PCDH11X: variants seen among roughly 807,000 people sequenced by gnomAD.
The protein encoded by PCDH11X is protocadherin-11 X-linked.
A neutral mutation model predicts 53.3 loss-of-function variants in PCDH11X; 18 were observed. That is an observed-to-expected ratio of 0.34 (90% CI 0.23 to 0.50). The LOEUF is 0.50. Ranked by LOEUF, PCDH11X falls within the 20% of genes least tolerant of loss-of-function variation. The pLI, the probability that PCDH11X is intolerant of heterozygous loss-of-function variation, is 0.98. For synonymous variants in PCDH11X, 279 were observed against 393.3 expected, an observed-to-expected ratio of 0.71 and a Z score of 3.44; for missense variants, 570 against 1,032.4, an observed-to-expected ratio of 0.55 and a Z score of 6.14.
intron 6 of PCDH11X, among the ~76,000 whole-genome samples, chrX:92,164,428 T>G (rs2148265000): frequency 8.9e-6 from 1 of 112,303 alleles, no homozygotes; most frequent in African/African-American, 3.2e-5. Context: ...TAATGAGAAG[T>G]AATTCTATTT....
intron 7 of PCDH11X, among the ~76,000 whole-genome samples, chrX:92,229,877 A>G (rs1246073420): frequency 1.8e-5 from 2 of 111,119 alleles, no homozygotes; most frequent in African/African-American, 6.5e-5. Flanking sequence ...TTGGCTTATG[A>G]TCTCCCTTTT....
At position 92,104,808 on chromosome X, in the gene PCDH11X, T is replaced by C. The variant is rs765703882; in HGVS notation, c.3034-96567T>C. Among the ~76,000 whole-genome samples the C allele has an allele frequency of 2.5e-3, 277 of 108,695 alleles. 1 individual carries two copies. Among genetic ancestry groups the C allele is most frequent in the African/African-American group, 9.1e-3 (271 of 29,809 alleles). The allele number at this position is 108,695 out of a possible 115,157, so 94.4% of individuals were successfully genotyped here. ...GGGGCACGGAAATAAGGGATTGGGG[T>C]GCAGAGATAAGAGATTGGGGCGTGG... On this transcript the variant is annotated intron_variant, in intron 6 of 10. Transcript: ENST00000682573.
At chrX:92,293,424 A>G (rs868135651) in intron 8 of PCDH11X, among the ~76,000 whole-genome samples, 25 of 110,034 alleles carry the variant, frequency 2.3e-4, no homozygotes, top group African/African-American at 7.6e-4. Context: ...GGAGATCGAG[A>G]CCATCCTGGC....
chrX:92,553,864 C>T (rs2750516), intron 10 of PCDH11X, among the ~76,000 whole-genome samples: 2 of 110,855 alleles, frequency 1.8e-5, no homozygotes, highest in Non-Finnish European at 3.8e-5. Flanking sequence ...CCACCCACTG[C>T]GTTACTCAGA....
chrX:92,458,478 A>G (rs777532134), intron 9 of PCDH11X, among the ~76,000 whole-genome samples: 2 of 110,682 alleles, frequency 1.8e-5, no homozygotes, highest in Middle Eastern at 4.8e-3. Context: ...TATGCATTCT[A>G]TCTAACTCTA....
intron 5 of PCDH11X, among the ~76,000 whole-genome samples, chrX:91,841,361 T>C (rs989221378): frequency 9.0e-6 from 1 of 111,543 alleles, no homozygotes; most frequent in African/African-American, 3.3e-5. Context: ...ACATCGTAAA[T>C]AGTTCAATTC....
chrX:92,568,174 C>A (rs1921721833), intron 10 of PCDH11X, among the ~76,000 whole-genome samples: 1 of 110,135 alleles, frequency 9.1e-6, no homozygotes, highest in African/African-American at 3.3e-5. Flanking sequence ...GTAATCCCAG[C>A]ACTTTGGGAG....
intron 6 of PCDH11X, among the ~76,000 whole-genome samples, chrX:92,167,780 GA>G (rs2148270485): frequency 9.0e-6 from 1 of 111,264 alleles, no homozygotes; most frequent in East Asian, 2.8e-4. Flanking sequence ...ATGTCACTAT[GA>G]TTGATCAACA....
intron 6 of PCDH11X, among the ~76,000 whole-genome samples, chrX:91,940,240 G>T (rs1202999939): frequency 9.0e-6 from 1 of 111,071 alleles, no homozygotes; most frequent in Non-Finnish European, 1.9e-5. Context: ...AGCAGATGCT[G>T]ATGTTATACT....
Position 91,795,731 on chromosome X carries a change from A to G in PCDH11X, c.-378-13735A>G, listed in dbSNP as rs966949863. ...TACGGAAATATCACTATAATACTTT[A>G]CTGCAACTTAGATCTCTCTTGAATC... On this transcript the variant is annotated intron_variant, in intron 1 of 10. Coordinates refer to ENST00000682573, the MANE Select transcript of PCDH11X (RefSeq NM_032968.5). Among the ~76,000 whole-genome samples the G allele has an allele frequency of 2.2e-4, 25 of 111,656 alleles. 1 individual carries two copies. The highest frequency in any genetic ancestry group is 7.5e-5 in the Non-Finnish European group (4 of 53,099).
intron 1 of PCDH11X, among the ~76,000 whole-genome samples, chrX:91,785,121 G>A (rs1376983287): frequency 2.9e-5 from 3 of 104,567 alleles, no homozygotes; most frequent in Non-Finnish European, 3.9e-5. Context: ...ACACTGTTTC[G>A]CTGCATCCCA....
chrX:92,273,178 AAG>A (rs1251599128), intron 8 of PCDH11X, among the ~76,000 whole-genome samples: 2 of 111,024 alleles, frequency 1.8e-5, no homozygotes, highest in African/African-American at 6.6e-5. Context: ...TGAGTCCGAA[AAG>A]AGAGTCAGTG....
At chrX:92,294,687 A>G (rs1169536631) in intron 8 of PCDH11X, among the ~76,000 whole-genome samples, 1 of 111,298 alleles carries the variant, frequency 9.0e-6, no homozygotes, top group African/African-American at 3.3e-5. Flanking sequence ...ATAAATTTTC[A>G]TAAATGATTG....
At chrX:92,040,681 T>TG (rs2063196855) in intron 6 of PCDH11X, among the ~76,000 whole-genome samples, 1 of 111,110 alleles carries the variant, frequency 9.0e-6, no homozygotes, top group African/African-American at 3.3e-5. Flanking sequence ...ACATTGCTTT[T>TG]TGTGTGTGTG....
At chrX:92,382,468 A>G (rs2984108) in intron 8 of PCDH11X, among the ~76,000 whole-genome samples, 48,915 of 109,654 alleles carry the variant, frequency 0.45, 8,286 homozygotes, top group Non-Finnish European at 0.49. Context: ...TAACCTGTCC[A>G]AAATGCCACT....
At chrX:92,398,324 A>G (rs1215575030) in intron 9 of PCDH11X, among the ~76,000 whole-genome samples, 7 of 111,446 alleles carry the variant, frequency 6.3e-5, no homozygotes, top group African/African-American at 2.0e-4. Context: ...CAGGGTAAAA[A>G]CATACTGCTT....
intron 6 of PCDH11X, among the ~76,000 whole-genome samples, chrX:92,155,781 C>A (rs2065522735): frequency 9.1e-6 from 1 of 109,544 alleles, no homozygotes; most frequent in Non-Finnish European, 1.9e-5. Flanking sequence ...GGCCCGCCAC[C>A]GCGCCCGGCT....
intron 9 of PCDH11X, among the ~76,000 whole-genome samples, chrX:92,448,265 G>A (rs1456607545): frequency 2.2e-4 from 24 of 109,383 alleles, no homozygotes; most frequent in Non-Finnish European, 4.0e-4. Context: ...CACCAGGGGC[G>A]GAATGATATG....
chrX:92,394,656 G>C (rs1337358020), intron 9 of PCDH11X, among the ~76,000 whole-genome samples: 2 of 111,435 alleles, frequency 1.8e-5, no homozygotes, highest in East Asian at 5.6e-4. Flanking sequence ...CTATAAGACA[G>C]ACTATTTGCC....
Sources: gnomAD v4.1 joint callset for allele counts (sites outside exome capture counted in the v4.1 genomes callset) on GRCh38, gnomAD v4.1.1 for gene constraint, MANE v1.5 for transcripts, NCBI Gene and HGNC (gene_info 2026-07-23, HGNC 2026-07-21) for gene names.